NAT1: variants seen among roughly 807,000 people sequenced by gnomAD.
The protein encoded by NAT1 is arylamine N-acetyltransferase 1.
For missense variants in NAT1, 400 were observed against 339.2 expected (o/e 1.18, Z -1.41); for synonymous variants, 144 against 122.6 (o/e 1.17, Z -1.16).
At chr8:18,190,791 G>C (rs1017473617) in intron 2 of NAT1, among the ~76,000 whole-genome samples, 23 of 152,278 alleles carry the variant, frequency 1.5e-4, no homozygotes, top group African/African-American at 5.3e-4. Context: ...ACAGGGCCAG[G>C]CATGGTGACT....
At chr8:18,201,353 A>G (rs1387443740) in intron 2 of NAT1, 3 of 152,120 alleles carry the variant, frequency 2.0e-5, no homozygotes, top group Non-Finnish European at 2.9e-5. Context: ...GAGTACTATA[A>G]TAAGTACTAA....
chr8:18,189,555 A>G (rs1203147115), intron 2 of NAT1, among the ~76,000 whole-genome samples: 1 of 152,238 alleles, frequency 6.6e-6, no homozygotes, highest in Non-Finnish European at 1.5e-5. Flanking sequence ...TTTCTACCCC[A>G]GACATTAGAA....
intron 2 of NAT1, among the ~76,000 whole-genome samples, chr8:18,173,761 G>T (rs1802186565): frequency 6.6e-6 from 1 of 152,046 alleles, no homozygotes; most frequent in Admixed American, 6.6e-5. Flanking sequence ...CTAATCCAAT[G>T]CCTGGTCCCT....
intron 2 of NAT1, 110 bp from the exon 3 acceptor site, chr8:18,221,932 T>A: frequency 8.7e-7 from 1 of 1,153,722 alleles, no homozygotes; most frequent in Non-Finnish European, 1.2e-6. Flanking sequence ...ATAATTATTA[T>A]ACTTATAACC....
intron 2 of NAT1, among the ~76,000 whole-genome samples, chr8:18,188,994 C>CAAAAA (rs55636901): frequency 0.31 from 25,781 of 82,586 alleles, 4,740 homozygotes; most frequent in Non-Finnish European, 0.38. Context: ...GACTCCGACT[C>CAAAAA]AAAAAAAAAA....
chr8:18,222,769 A>T lies in NAT1; in HGVS notation c.722A>T (p.His241Leu). ...TGTTTGGTGGGCTTCACCCTCACCC[A>T]TAGGAGATTCAATTATAAGGACAAT... Reference protein sequence around the residue: ...VHCLVGFTLTHRRFNYKDNTD... With the variant: ...VHCLVGFTLTLRRFNYKDNTD... The change falls in exon 3 of 3, where the codon CAT becomes CTT. Residue 241 changes from histidine (H) to leucine (L), a missense_variant. His to Leu is a moderately conservative substitution (Grantham distance 99, BLOSUM62 -3). Transcript: ENST00000307719. The T allele has an allele frequency of 1.9e-6, 3 of 1,613,668 alleles. No homozygotes were observed. Among genetic ancestry groups the T allele is most frequent in the Non-Finnish European group, 2.5e-6 (3 of 1,179,862 alleles).
intron 2 of NAT1, among the ~76,000 whole-genome samples, chr8:18,202,574 C>T (rs1803510905): frequency 6.6e-6 from 1 of 151,950 alleles, no homozygotes; most frequent in Non-Finnish European, 1.5e-5. Flanking sequence ...TTCTTCCTTC[C>T]AGTGGGTTCA....
chr8:18,198,682 T>C (rs753544518), intron 2 of NAT1, among the ~76,000 whole-genome samples: 4 of 152,212 alleles, frequency 2.6e-5, no homozygotes, highest in Non-Finnish European at 5.9e-5. Context: ...TAACATGTGA[T>C]GTTTTGACAC....
intron 1 of NAT1, among the ~76,000 whole-genome samples, chr8:18,214,778 A>T (rs913255443): frequency 6.6e-6 from 1 of 152,172 alleles, no homozygotes; most frequent in African/African-American, 2.4e-5. Context: ...TACAGATTTT[A>T]TCACCCAGGT....
intron 1 of NAT1, among the ~76,000 whole-genome samples, chr8:18,213,356 T>A (rs568100957): frequency 6.6e-6 from 1 of 152,306 alleles, no homozygotes; most frequent in South Asian, 2.1e-4. Context: ...CCTAGATACA[T>A]CTTGCCTTAA....
At position 18,218,732 on chromosome 8, in the gene NAT1, G is replaced by C. The variant is rs183491338; in HGVS notation, c.-85-679G>C. 2.7e-3 allele frequency among the ~76,000 whole-genome samples: 410 copies of C among 152,112 alleles called. 2 individuals carry two copies. Among genetic ancestry groups the C allele is most frequent in the Non-Finnish European group, 4.3e-3 (289 of 67,982 alleles). ...TTTCATCTTGTAGCCATCTTATTCAGGAACCAAAAAGGGGGAGGCAGGTTT... is the reference window on the plus strand; with the variant it reads ...TTTCATCTTGTAGCCATCTTATTCACGAACCAAAAAGGGGGAGGCAGGTTT... On this transcript the variant is annotated intron_variant, in intron 1 of 2. Coordinates refer to ENST00000307719, the MANE Select transcript of NAT1 (RefSeq NM_000662.8).
intron 2 of NAT1, among the ~76,000 whole-genome samples, chr8:18,174,185 T>A (rs956390676): frequency 6.6e-6 from 1 of 152,128 alleles, no homozygotes; most frequent in Non-Finnish European, 1.5e-5. Context: ...ATGACTAGAT[T>A]AGCCACATGA....
intron 2 of NAT1, among the ~76,000 whole-genome samples, chr8:18,183,009 T>C (rs1802580042): frequency 6.6e-6 from 1 of 152,186 alleles, no homozygotes; most frequent in African/African-American, 2.4e-5. Flanking sequence ...TTAATTTTTG[T>C]CTTAGTCTAT....
chr8:18,184,727 A>G (rs1802663160), intron 2 of NAT1, among the ~76,000 whole-genome samples: 1 of 152,172 alleles, frequency 6.6e-6, no homozygotes, highest in African/African-American at 2.4e-5. Context: ...AGGCCTCTCC[A>G]GTCTATGAAT....
At chr8:18,172,957 A>G (rs1240139385) in intron 2 of NAT1, among the ~76,000 whole-genome samples, 1 of 152,126 alleles carries the variant, frequency 6.6e-6, no homozygotes, top group Non-Finnish European at 1.5e-5. Context: ...GAACAAAAGC[A>G]TGTGAGGCTA....
chr8:18,209,501 A>T (rs1256308139), upstream of NAT1, among the ~76,000 whole-genome samples: 1 of 152,256 alleles, frequency 6.6e-6, no homozygotes, highest in East Asian at 1.9e-4. Context: ...AGAAAAATGC[A>T]TAAGAAACAG....
chr8:18,174,725 C>G (rs7004090), intron 2 of NAT1, among the ~76,000 whole-genome samples: 83,090 of 151,722 alleles, frequency 0.55, 23,607 homozygotes, highest in African/African-American at 0.7. Flanking sequence ...GCAAGCATCA[C>G]GTAAGGAGTC....
intron 1 of NAT1, among the ~76,000 whole-genome samples, chr8:18,210,785 G>GT (rs972437248): frequency 2.0e-5 from 3 of 152,040 alleles, no homozygotes; most frequent in Non-Finnish European, 4.4e-5. Flanking sequence ...GGAAGTTTTT[G>GT]TTTTTTTGAG....
intron 2 of NAT1, among the ~76,000 whole-genome samples, chr8:18,184,943 C>G (rs981458419): frequency 4.6e-5 from 7 of 152,188 alleles, no homozygotes; most frequent in Admixed American, 1.3e-4. Flanking sequence ...GTAAGCTTAT[C>G]TCAAATTCCT....
Sources: allele counts gnomAD v4.1 joint callset (sites outside exome capture counted in the v4.1 genomes callset), GRCh38; gene constraint gnomAD v4.1.1; transcripts MANE v1.5; gene names NCBI Gene and HGNC (gene_info 2026-07-23, HGNC 2026-07-21).